The following LRBA variants were observed in gnomAD, a reference collection of about 807,000 sequenced individuals.
LRBA encodes lipopolysaccharide-responsive and beige-like anchor protein.
LRBA carries 176 observed loss-of-function variants against 330.0 expected under a neutral mutation model. The observed-to-expected ratio is 0.53, with a 90% CI of 0.47 to 0.60. The LOEUF (loss-of-function observed/expected upper bound fraction) is 0.60, where lower values mean the gene tolerates loss of function less well. Among genes scored for constraint, LRBA ranks in the 20% least tolerant of loss-of-function variants. The pLI is 0.00. For synonymous variants in LRBA, 1,230 were observed against 1,193.0 expected, an observed-to-expected ratio of 1.03 and a Z score of -0.64; for missense variants, 3,259 against 3,444.8, an observed-to-expected ratio of 0.95 and a Z score of 1.35.
chr4:150,955,462 G>C (rs1274631606), intron 2 of LRBA, among the ~76,000 whole-genome samples: 1 of 148,736 alleles, frequency 6.7e-6, no homozygotes, highest in Non-Finnish European at 1.5e-5. Context: ...TGCATAAAAA[G>C]AAGGAGCCAA....
Position 150,872,674 on chromosome 4 carries a change from A to T in LRBA, c.2247T>A (p.His749Gln). The part of the protein sequence containing the change: ...ALKAMGYFLK[H>Q]LAPKRKAEVM... ...TTCGGCATACTTACTTTGGGGCCAG[A>T]TGTTTTAAAAAATAACCCATTGCCT... Residue 749 changes from histidine (H) to glutamine (Q), a missense_variant, in exon 18 of 57, where the codon CAT becomes CAA. By Grantham distance (24) the His-to-Gln change is conservative (BLOSUM62 0). Coordinates refer to ENST00000651943, the MANE Select transcript of LRBA (RefSeq NM_001364905.1). 6.2e-7 allele frequency: 1 copy of T among 1,606,924 alleles called. No homozygotes were observed. Among genetic ancestry groups the T allele is most frequent in the Non-Finnish European group, 8.5e-7 (1 of 1,175,034 alleles).
chr4:150,398,204 T>C (rs1456437450), intron 47 of LRBA, among the ~76,000 whole-genome samples: 1 of 152,138 alleles, frequency 6.6e-6, no homozygotes, highest in Non-Finnish European at 1.5e-5. Context: ...CAAAGTACAA[T>C]GTATGAAAGA....
intron 37 of LRBA, among the ~76,000 whole-genome samples, chr4:150,649,044 T>C (rs1323601442): frequency 1.3e-5 from 2 of 152,172 alleles, no homozygotes; most frequent in African/African-American, 4.8e-5. Flanking sequence ...ATTTTGCTTC[T>C]GATCACCTTA....
intron 53 of LRBA, among the ~76,000 whole-genome samples, chr4:150,287,091 A>C (rs1030732623): frequency 3.9e-5 from 6 of 152,224 alleles, no homozygotes; most frequent in Non-Finnish European, 7.3e-5. Flanking sequence ...ACACTGTGTA[A>C]TCCAGAAGAG....
intron 36 of LRBA, among the ~76,000 whole-genome samples, chr4:150,696,343 C>A (rs1489663820): frequency 2.0e-5 from 3 of 152,164 alleles, no homozygotes; most frequent in Admixed American, 6.5e-5. Context: ...AGAGCACCAA[C>A]TCTAGAGCTA....
At chr4:150,946,127 C>T (rs1417145913) in intron 2 of LRBA, among the ~76,000 whole-genome samples, 1 of 152,086 alleles carries the variant, frequency 6.6e-6, no homozygotes, top group Non-Finnish European at 1.5e-5. Flanking sequence ...GAATAAAATG[C>T]TACAATATTT....
chr4:150,368,279 T>C (rs1157143367), intron 47 of LRBA, among the ~76,000 whole-genome samples: 2 of 152,140 alleles, frequency 1.3e-5, no homozygotes, highest in Admixed American at 6.5e-5. Flanking sequence ...GTGGTACTAC[T>C]TTAACACAAG....
chr4:150,401,115 T>C (rs1745400036), intron 47 of LRBA, among the ~76,000 whole-genome samples: 1 of 152,202 alleles, frequency 6.6e-6, no homozygotes, highest in African/African-American at 2.4e-5. Flanking sequence ...GGAGAACACC[T>C]TGTGAAGACC....
At chr4:150,432,544 G>A (rs1212933795) in intron 46 of LRBA, among the ~76,000 whole-genome samples, 6 of 126,678 alleles carry the variant, frequency 4.7e-5, no homozygotes, top group South Asian at 2.8e-4. Context: ...TGCAAGCTCC[G>A]CCTCCTGGGT....
chr4:150,277,419 T>TA (rs1560950936), intron 56 of LRBA, among the ~76,000 whole-genome samples: 1 of 151,764 alleles, frequency 6.6e-6, no homozygotes, highest in Non-Finnish European at 1.5e-5. Context: ...AGGTATAATT[T>TA]AAAAAAAGAT....
intron 37 of LRBA, among the ~76,000 whole-genome samples, chr4:150,661,003 T>A (rs1298284539): frequency 4.5e-5 from 5 of 110,200 alleles, no homozygotes; most frequent in Non-Finnish European, 8.9e-5. Flanking sequence ...TGACCTTCCC[T>A]CCACTATTGT....
At chr4:150,921,123 T>A (rs745649168) in intron 5 of LRBA, 75 bp downstream of exon 5, 11 of 888,720 alleles carry the variant, frequency 1.2e-5, no homozygotes, top group Non-Finnish European at 1.9e-5. Context: ...CTGTCAGGGG[T>A]GTTCACAGGG....
chr4:150,599,095 T>C lies in LRBA; in HGVS notation c.5958A>G (p.Glu1986=), dbSNP rs146024786. 3 of 1,613,968 alleles carry C rather than the reference T, an allele frequency of 1.9e-6. No individual in the cohort carries two copies. The highest frequency in any genetic ancestry group is 4.5e-5 in the East Asian group (2 of 44,864). The change falls in exon 38 of 57, where the codon GAA becomes GAG. Residue 1986 remains glutamate, a synonymous_variant. Transcript: ENST00000651943. ...PLEFWRLDYW[E]DDLRRRRRFV... Reference sequence around the variant, plus strand: ...ATCGTCGCCGGCGCCGCAAGTCATCTTCCCAGTAGTCAAGGCGCCAGAACT... The same window carrying C: ...ATCGTCGCCGGCGCCGCAAGTCATCCTCCCAGTAGTCAAGGCGCCAGAACT...
chr4:150,595,417 C>T (rs970753338), intron 38 of LRBA, among the ~76,000 whole-genome samples: 2 of 151,890 alleles, frequency 1.3e-5, no homozygotes, highest in African/African-American at 4.8e-5. Flanking sequence ...CATGATCTGT[C>T]ATCCCTAGAA....
chr4:150,641,676 A>G (rs1778692596), intron 37 of LRBA, among the ~76,000 whole-genome samples: 1 of 152,078 alleles, frequency 6.6e-6, no homozygotes. Context: ...ACATCAATCA[A>G]TACCTTTATA....
intron 49 of LRBA, among the ~76,000 whole-genome samples, chr4:150,324,335 C>T (rs761643469): frequency 6.6e-5 from 10 of 152,162 alleles, no homozygotes; most frequent in Non-Finnish European, 1.3e-4. Flanking sequence ...ATTTTTATGG[C>T]ACTATCTTCC....
chr4:150,268,195 T>C (rs1048395097), intron 56 of LRBA, among the ~76,000 whole-genome samples: 13 of 151,516 alleles, frequency 8.6e-5, no homozygotes, highest in South Asian at 2.1e-4. Context: ...CTAGATGAAA[T>C]AGACAAATTC....
chr4:150,683,884 C>T, intron 36 of LRBA, 167 bp from the exon 37 acceptor site: 1 of 556,944 alleles, frequency 1.8e-6, no homozygotes, highest in Non-Finnish European at 3.1e-6. Flanking sequence ...AATAAAACAT[C>T]CCACAAGAAT....
At chr4:150,793,024 G>A (rs1740208575) in intron 34 of LRBA, among the ~76,000 whole-genome samples, 1 of 151,772 alleles carries the variant, frequency 6.6e-6, no homozygotes, top group South Asian at 2.1e-4. Flanking sequence ...AGGTTGCAGT[G>A]AGCCAAGACC....
Sources: gnomAD v4.1 joint callset for allele counts (sites outside exome capture counted in the v4.1 genomes callset) on GRCh38, gnomAD v4.1.1 for gene constraint, MANE v1.5 for transcripts, NCBI Gene and HGNC (gene_info 2026-07-23, HGNC 2026-07-21) for gene names.